The following NRXN1 variants were observed in gnomAD, a reference collection of about 807,000 sequenced individuals.
NRXN1 encodes neurexin-1.
Under a neutral mutation model 150.9 loss-of-function variants are expected in NRXN1, and 39 were observed. The observed-to-expected ratio is 0.26, with a 90% CI of 0.20 to 0.34. The LOEUF (loss-of-function observed/expected upper bound fraction) is 0.34. Ranked by LOEUF, NRXN1 falls within the 10% of genes least tolerant of loss-of-function variation. NRXN1 has a pLI of 1.00. For missense variants in NRXN1, 1,815 were observed against 1,949.9 expected (o/e 0.93, Z 1.30); for synonymous variants, 924 against 757.0 (o/e 1.22, Z -3.62).
chr2:50,652,199 T>C (rs72885663), intron 5 of NRXN1, among the ~76,000 whole-genome samples: 3,817 of 152,200 alleles, frequency 0.025, 156 homozygotes, highest in African/African-American at 0.087. Flanking sequence ...TCCAGGCTTC[T>C]ATATTCAAGC....
At chr2:50,945,562 C>CA in intron 2 of NRXN1, among the ~76,000 whole-genome samples, 1 of 151,090 alleles carries the variant, frequency 6.6e-6, no homozygotes, top group African/African-American at 2.4e-5. Context: ...AAAACTTTAT[C>CA]AAAAAATAGG....
chr2:50,820,968 T>A (rs1215695870), intron 5 of NRXN1, among the ~76,000 whole-genome samples: 2 of 152,164 alleles, frequency 1.3e-5, no homozygotes, highest in Non-Finnish European at 2.9e-5. Context: ...CATTAAATTG[T>A]CAATAAAACT....
chr2:50,589,504 G>C (rs6714499), intron 8 of NRXN1: 3 of 118,058 alleles, frequency 2.5e-5, no homozygotes, highest in African/African-American at 9.0e-5. Context: ...CCACAGGTGT[G>C]AACCACCATG....
At chr2:50,206,365 A>G (rs939146001) in intron 18 of NRXN1, among the ~76,000 whole-genome samples, 7 of 152,066 alleles carry the variant, frequency 4.6e-5, no homozygotes, top group South Asian at 4.1e-4. Flanking sequence ...AAATTATCCA[A>G]TTGGCATTTT....
intron 17 of NRXN1, among the ~76,000 whole-genome samples, chr2:50,316,567 G>T (rs541067321): frequency 6.6e-6 from 1 of 151,880 alleles, no homozygotes; most frequent in South Asian, 2.1e-4. Flanking sequence ...ACATAACAAG[G>T]GAATCAACAA....
chr2:50,249,917 C>A (rs1018570599), intron 17 of NRXN1, among the ~76,000 whole-genome samples: 1 of 152,062 alleles, frequency 6.6e-6, no homozygotes, highest in Non-Finnish European at 1.5e-5. Flanking sequence ...GGATTACAGG[C>A]GTGAGCCACC....
intron 5 of NRXN1, among the ~76,000 whole-genome samples, chr2:50,909,068 G>C (rs1248893038): frequency 6.6e-6 from 1 of 151,962 alleles, no homozygotes; most frequent in East Asian, 1.9e-4. Context: ...ATTTTTTTAA[G>C]TAAATGAGAA....
At chr2:50,032,066 T>C (rs954023900) in intron 21 of NRXN1, among the ~76,000 whole-genome samples, 2 of 152,060 alleles carry the variant, frequency 1.3e-5, no homozygotes, top group African/African-American at 2.4e-5. Context: ...AAAGAAAATA[T>C]CTACCATTCA....
At chr2:50,373,133 G>T (rs765104708) in intron 17 of NRXN1, among the ~76,000 whole-genome samples, 5 of 150,486 alleles carry the variant, frequency 3.3e-5, no homozygotes, top group Non-Finnish European at 5.9e-5. Flanking sequence ...TAGACTCTTG[G>T]GTAATATGAT....
chr2:50,226,999 G>A (rs1417016758), intron 18 of NRXN1, among the ~76,000 whole-genome samples: 4 of 151,928 alleles, frequency 2.6e-5, no homozygotes, highest in South Asian at 2.1e-4. Context: ...TAAAGTGCAC[G>A]AAATAGATAA....
intron 13 of NRXN1, among the ~76,000 whole-genome samples, chr2:50,501,419 G>GT: frequency 6.6e-6 from 1 of 151,950 alleles, no homozygotes; most frequent in East Asian, 1.9e-4. Context: ...GTGTGTGTGT[G>GT]TGTGTGTTTA....
At chr2:50,376,024 T>A (rs984839163) in intron 17 of NRXN1, among the ~76,000 whole-genome samples, 3 of 142,038 alleles carry the variant, frequency 2.1e-5, no homozygotes, top group African/African-American at 5.4e-5. Context: ...TTAGAACTCC[T>A]GCACATAAAT....
chr2:49,992,928 C>T (rs1682258886), intron 21 of NRXN1, among the ~76,000 whole-genome samples: 1 of 152,214 alleles, frequency 6.6e-6, no homozygotes, highest in African/African-American at 2.4e-5. Context: ...GCAAGGATGT[C>T]AAGCAACAGG....
chr2:50,395,970 G>A (rs935885854), intron 17 of NRXN1, among the ~76,000 whole-genome samples: 1 of 152,160 alleles, frequency 6.6e-6, no homozygotes, highest in Non-Finnish European at 1.5e-5. Context: ...GACTAAGGTT[G>A]TTGAAGGCCA....
At chr2:50,508,847 CA>C (rs1428246626) in intron 12 of NRXN1, among the ~76,000 whole-genome samples, 1 of 152,030 alleles carries the variant, frequency 6.6e-6, no homozygotes, top group East Asian at 1.9e-4. Context: ...AAATTGTGAA[CA>C]GATTGATTTT....
intron 5 of NRXN1, among the ~76,000 whole-genome samples, chr2:50,673,175 G>C (rs1689091294): frequency 6.6e-6 from 1 of 151,912 alleles, no homozygotes; most frequent in Non-Finnish European, 1.5e-5. Flanking sequence ...TTATCTCTAA[G>C]GATATATGTG....
intron 8 of NRXN1, among the ~76,000 whole-genome samples, chr2:50,566,351 C>T (rs1669839904): frequency 6.6e-6 from 1 of 151,878 alleles, no homozygotes; most frequent in Non-Finnish European, 1.5e-5. Context: ...TCAAGAGATT[C>T]TCATGCCTCA....
chr2:50,279,827 G>C (rs2152931275), intron 17 of NRXN1, among the ~76,000 whole-genome samples: 1 of 152,258 alleles, frequency 6.6e-6, no homozygotes, highest in Admixed American at 6.5e-5. Flanking sequence ...CAGAAAAGTT[G>C]AAGTAAATAT....
chr2:49,988,314 GAA>G (rs74968245), intron 21 of NRXN1, among the ~76,000 whole-genome samples: 1 of 136,598 alleles, frequency 7.3e-6, no homozygotes. Flanking sequence ...TATTCTATCA[GAA>G]AAAAAAAAAA....
Sources: gnomAD v4.1 joint callset for allele counts (sites outside exome capture counted in the v4.1 genomes callset) on GRCh38, gnomAD v4.1.1 for gene constraint, MANE v1.5 for transcripts, NCBI Gene and HGNC (gene_info 2026-07-23, HGNC 2026-07-21) for gene names.